Variants in CCDC68 observed in about 807,000 individuals in gnomAD.
The protein encoded by CCDC68 is coiled-coil domain-containing protein 68.
In CCDC68, 45 loss-of-function variants were observed where a neutral mutation model predicts 47.1. The ratio of observed to expected loss-of-function variants is 0.96; its 90% CI spans 0.75 to 1.23. CCDC68 has a LOEUF of 1.23. CCDC68 is among the 50% of genes most tolerant of loss of function. The probability of loss-of-function intolerance (pLI) is 0.00; values close to 1 mark genes in which losing one functional copy is unlikely to be tolerated. For synonymous variants in CCDC68, 131 were observed against 129.5 expected (o/e 1.01, Z -0.08); for missense variants, 353 against 373.6 (o/e 0.94, Z 0.45).
intron 10 of CCDC68, 133 bp from the exon 11 acceptor site, chr18:54,907,995 A>G: frequency 3.3e-6 from 2 of 612,760 alleles, no homozygotes; most frequent in Non-Finnish European, 5.9e-6. Flanking sequence ...GCTATAGAAC[A>G]CAGAAAATAG....
chr18:54,948,510 G>A (rs1466204866), intron 1 of CCDC68, among the ~76,000 whole-genome samples: 2 of 152,214 alleles, frequency 1.3e-5, no homozygotes, highest in African/African-American at 4.8e-5. Context: ...CACTCTGTGT[G>A]TGGCACTTTG....
chr18:54,904,312 A>G lies in CCDC68; in HGVS notation c.*46T>C, dbSNP rs182595138. The G allele has an allele frequency of 4.4e-5, 63 of 1,439,648 alleles. No individual in the cohort carries two copies. The Middle Eastern group carries it at 5.3e-4, about 12-fold the overall frequency. The allele number at this position is 1,439,648 out of a possible 1,614,324, so 89.2% of individuals were successfully genotyped here. On this transcript the variant is annotated 3_prime_UTR_variant, in exon 12 of 12. Coordinates refer to ENST00000591504, the MANE Select transcript of CCDC68 (RefSeq NM_025214.3). ...ACTTGGGCTGTGTTTCAGAGAATAA[A>G]TAAGACTCACGCAGTCTTTCTAAAT... is the stretch of plus-strand genomic sequence containing the variant.
intron 1 of CCDC68, among the ~76,000 whole-genome samples, chr18:54,950,653 G>C (rs189668469): frequency 6.6e-6 from 1 of 151,848 alleles, no homozygotes; most frequent in Non-Finnish European, 1.5e-5. Context: ...TATTTCGGAG[G>C]AAAAATGAAA....
In CCDC68 at chr18:54,936,896, T is replaced by C. The variant is rs374001776; in HGVS notation, c.408A>G (p.Glu136=). The C allele has an allele frequency of 1.9e-6, 3 of 1,614,170 alleles. No homozygotes were observed. Among genetic ancestry groups the C allele is most frequent in the African/African-American group, 2.7e-5 (2 of 75,038 alleles). ...CTTCTTCAGATTGCGTTTGGTAGTT[T>C]TCAAATAATCTCTGGGCCACGTTTC... The part of the protein sequence containing the change: ...ALRNVAQRLF[E]NYQTQSEEVR... Residue 136 remains glutamate, a synonymous_variant, in exon 6 of 12, where the codon GAA becomes GAG. Transcript: ENST00000591504.
intron 10 of CCDC68, among the ~76,000 whole-genome samples, chr18:54,917,141 G>A (rs540134003): frequency 6.6e-6 from 1 of 152,294 alleles, no homozygotes; most frequent in South Asian, 2.1e-4. Context: ...AAGTGAATGG[G>A]AGAGAAGAAA....
intron 2 of CCDC68, among the ~76,000 whole-genome samples, chr18:54,944,882 T>G (rs968470140): frequency 6.6e-6 from 1 of 152,158 alleles, no homozygotes; most frequent in African/African-American, 2.4e-5. Context: ...AATCTTAACA[T>G]AAATTAAGGA....
chr18:54,942,616 A>T, intron 3 of CCDC68, 59 bp downstream of exon 3: 1 of 1,019,452 alleles, frequency 9.8e-7, no homozygotes, highest in South Asian at 1.4e-5. Context: ...CCTCCAGCCC[A>T]TATTGGAATT....
At chr18:54,923,042 TG>T (rs574311990) in intron 8 of CCDC68, among the ~76,000 whole-genome samples, 1 of 146,202 alleles carries the variant, frequency 6.8e-6, no homozygotes, top group South Asian at 2.2e-4. Context: ...AAACAGAAAT[TG>T]GGTCCATAGC....
At chr18:54,942,862 G>A in intron 2 of CCDC68, 59 bp from the exon 3 acceptor site, 2 of 929,618 alleles carry the variant, frequency 2.2e-6, no homozygotes, top group Non-Finnish European at 1.7e-6. Context: ...ATGATTATAT[G>A]GTTCATAAAC....
At chr18:54,942,848 T>C (rs2044461635) in intron 2 of CCDC68, 45 bp from the exon 3 acceptor site, 4 of 1,035,276 alleles carry the variant, frequency 3.9e-6, no homozygotes, top group South Asian at 2.6e-5. Flanking sequence ...ACTGTTTTGA[T>C]TGTATGATTA....
At position 54,936,742 on chromosome 18, in the gene CCDC68, C is replaced by G. The variant is rs2044355341; in HGVS notation, c.471+91G>C. On this transcript the variant is annotated intron_variant, in intron 6 of 11. Transcript: ENST00000591504. ...CTTTTGCCAAGTCACTTGGCCATTGCTTGTTTCATTTCTAACTCTTCTAGA... is the reference window on the plus strand; with the variant it reads ...CTTTTGCCAAGTCACTTGGCCATTGGTTGTTTCATTTCTAACTCTTCTAGA... 43 of 1,516,984 alleles carry G rather than the reference C, an allele frequency of 2.8e-5. 1 individual carries two copies. In the South Asian group the frequency reaches 4.8e-4, roughly 17 times the overall value. 94.0% of individuals were successfully genotyped at this position (1,516,984 alleles called of 1,614,324 possible).
chr18:54,935,251 C>CT (rs2044324707), intron 6 of CCDC68, among the ~76,000 whole-genome samples: 1 of 152,076 alleles, frequency 6.6e-6, no homozygotes, highest in African/African-American at 2.4e-5. Context: ...ACATTTTTGA[C>CT]TTTTTCTCAA....
At chr18:54,918,027 C>T (rs766715956) in intron 9 of CCDC68, 31 bp from the exon 10 acceptor site, 10 of 924,564 alleles carry the variant, frequency 1.1e-5, no homozygotes, top group African/African-American at 6.7e-5. Flanking sequence ...TAGGAAAAAC[C>T]TTGTCAGACC....
chr18:54,917,628 G>A (rs575935507), intron 10 of CCDC68, among the ~76,000 whole-genome samples: 29 of 151,920 alleles, frequency 1.9e-4, no homozygotes, highest in African/African-American at 5.3e-4. Flanking sequence ...AATTTCTTAT[G>A]CATAGAATAT....
chr18:54,931,168 G>A (rs2044253688), intron 7 of CCDC68, among the ~76,000 whole-genome samples: 1 of 152,162 alleles, frequency 6.6e-6, no homozygotes, highest in African/African-American at 2.4e-5. Context: ...TTCATAAACA[G>A]GGGTCAAGGG....
In CCDC68 at chr18:54,942,600, C is replaced by A; in HGVS notation, c.117+75G>T. ...TACATATGTTCTATGGAGAGGGAAA[C>A]AAAATCCTCCAGCCCATATTGGAAT... On this transcript the variant is annotated intron_variant, in intron 3 of 11. Transcript: ENST00000591504. 5.5e-6 allele frequency: 5 copies of A among 911,012 alleles called. No homozygotes were observed. The South Asian group carries it at 6.2e-5, about 11-fold the overall frequency. 56.4% of individuals were successfully genotyped at this position (911,012 alleles called of 1,614,324 possible). A position where few individuals can be genotyped will look rare whatever the true frequency, so the allele number is the denominator to read the frequency against.
chr18:54,947,988 C>T (rs2044554340), intron 1 of CCDC68, among the ~76,000 whole-genome samples: 1 of 152,176 alleles, frequency 6.6e-6, no homozygotes, highest in Non-Finnish European at 1.5e-5. Flanking sequence ...TGATAAACCA[C>T]CACACCACCA....
chr18:54,941,119 C>T, intron 3 of CCDC68, 36 bp from the exon 4 acceptor site: 5 of 1,473,190 alleles, frequency 3.4e-6, no homozygotes, highest in Non-Finnish European at 4.7e-6. Flanking sequence ...GTTTCAAAGG[C>T]ATTTAATGCC....
rs928237379 is a variant in CCDC68 at position 54,913,833 on chromosome 18, A to AAAAAT, written c.873+4075_873+4079dup. On this transcript the variant is annotated intron_variant, in intron 10 of 11. Transcript: ENST00000591504. ...GTCCCTAAAAAACAAATAACAAAAT[A>AAAAAT]AAAATAAAATAAAATAAAATAAATT... is the stretch of plus-strand genomic sequence containing the variant. Among the ~76,000 whole-genome samples, 17 of 152,276 alleles carry AAAAAT rather than the reference A, an allele frequency of 1.1e-4. 1 individual carries two copies. Among genetic ancestry groups the AAAAAT allele is most frequent in the South Asian group, 6.2e-4 (3 of 4,816 alleles).
Sources: gnomAD v4.1 joint callset for allele counts (sites outside exome capture counted in the v4.1 genomes callset) on GRCh38, gnomAD v4.1.1 for gene constraint, MANE v1.5 for transcripts, NCBI Gene and HGNC (gene_info 2026-07-23, HGNC 2026-07-21) for gene names.